AFF1: variants seen among roughly 807,000 people sequenced by gnomAD.
AFF1 encodes AF4/FMR2 family member 1.
AFF1 carries 48 observed loss-of-function variants against 121.7 expected under a neutral mutation model. The observed-to-expected ratio is 0.39, with a 90% CI of 0.31 to 0.50. The LOEUF (loss-of-function observed/expected upper bound fraction) is 0.50, where lower values mean the gene tolerates loss of function less well. Among genes scored for constraint, AFF1 ranks in the 20% least tolerant of loss-of-function variants. The probability of loss-of-function intolerance (pLI) is 0.76; values close to 1 mark genes in which losing one functional copy is unlikely to be tolerated. For missense variants in AFF1, 1,523 were observed against 1,511.7 expected, an observed-to-expected ratio of 1.01 and a Z score of -0.12; for synonymous variants, 613 against 563.0, an observed-to-expected ratio of 1.09 and a Z score of -1.26.
At chr4:86,945,497 ATTTT>A (rs34305215) in intron 1 of AFF1, among the ~76,000 whole-genome samples, 1 of 86,630 alleles carries the variant, frequency 1.2e-5, no homozygotes, top group Non-Finnish European at 2.0e-5. Context: ...GCCTTTCCCA[ATTTT>A]TTTTTTTTTT....
At chr4:86,982,417 T>TTTTTAA (rs61040187) in intron 2 of AFF1, among the ~76,000 whole-genome samples, 2 of 79,154 alleles carry the variant, frequency 2.5e-5, no homozygotes, top group African/African-American at 4.8e-5. Context: ...TTTTTTTTTT[T>TTTTTAA]ACAAAGTGCT....
intron 2 of AFF1, among the ~76,000 whole-genome samples, chr4:86,988,884 C>T (rs1724493010): frequency 6.6e-6 from 1 of 152,128 alleles, no homozygotes; most frequent in Non-Finnish European, 1.5e-5. Flanking sequence ...AATAACACCA[C>T]ACATCTCCAA....
At chr4:87,058,559 G>A (rs1303589351) in intron 4 of AFF1, among the ~76,000 whole-genome samples, 1 of 150,844 alleles carries the variant, frequency 6.6e-6, no homozygotes, top group Non-Finnish European at 1.5e-5. Context: ...GTCTCTTTCT[G>A]TTTAATCTCA....
intron 4 of AFF1, among the ~76,000 whole-genome samples, chr4:87,071,586 G>T (rs1383436018): frequency 6.6e-6 from 1 of 152,082 alleles, no homozygotes; most frequent in Non-Finnish European, 1.5e-5. Context: ...AAAGCAGTGC[G>T]GTGGCTCCAG....
chr4:87,078,560 A>G (rs1012467548), intron 4 of AFF1, among the ~76,000 whole-genome samples: 4 of 152,208 alleles, frequency 2.6e-5, no homozygotes, highest in Non-Finnish European at 4.4e-5. Flanking sequence ...GTAAGGGAGC[A>G]TCAGGGATGT....
At chr4:87,040,586 G>A (rs1246599382) in intron 2 of AFF1, among the ~76,000 whole-genome samples, 2 of 145,988 alleles carry the variant, frequency 1.4e-5, no homozygotes, top group African/African-American at 5.1e-5. Context: ...TTTTAATTGA[G>A]ACAGACTTTG....
At chr4:86,996,467 G>A (rs1429788244) in intron 2 of AFF1, among the ~76,000 whole-genome samples, 1 of 151,754 alleles carries the variant, frequency 6.6e-6, no homozygotes, top group East Asian at 1.9e-4. Flanking sequence ...TATCCACTCA[G>A]GGTTGAATGG....
At chr4:86,965,291 G>C (rs1218230519) in intron 2 of AFF1, among the ~76,000 whole-genome samples, 1 of 152,202 alleles carries the variant, frequency 6.6e-6, no homozygotes, top group East Asian at 1.9e-4. Flanking sequence ...CCTTGCACAG[G>C]CAAGCCTTAG....
Position 87,108,243 on chromosome 4 carries a change from C to T in AFF1, c.1461C>T (p.Ser487=), listed in dbSNP as rs758860293. Reference sequence around the variant, plus strand: ...AAAGCACCAGTGACTCAGACAGTTCCTCAGACTCAGAGAGCGAGAGCAGTT... The same window carrying T: ...AAAGCACCAGTGACTCAGACAGTTCTTCAGACTCAGAGAGCGAGAGCAGTT... The part of the protein sequence containing the change: ...ESESTSDSDS[S]SDSESESSSS... Residue 487 remains serine, a synonymous_variant, in exon 11 of 21, where the codon TCC becomes TCT. Transcript: ENST00000395146. The T allele has an allele frequency of 6.2e-7, 1 of 1,614,142 alleles. No homozygotes were observed. The highest frequency in any genetic ancestry group is 2.2e-5 in the East Asian group (1 of 44,874).
intron 4 of AFF1, among the ~76,000 whole-genome samples, chr4:87,061,249 G>A (rs915122398): frequency 6.6e-6 from 1 of 152,204 alleles, no homozygotes; most frequent in Non-Finnish European, 1.5e-5. Context: ...AGGAGCTTGT[G>A]CAGCAGAGAG....
chr4:87,096,535 T>TTTTTTCTTTTTC (rs1244800833), intron 8 of AFF1, among the ~76,000 whole-genome samples: 1 of 151,378 alleles, frequency 6.6e-6, no homozygotes, highest in Non-Finnish European at 1.5e-5. Context: ...CTTAGCCTCT[T>TTTTTTCTTTTTC]TTTTTCTTTT....
At chr4:87,054,053 A>G (rs1731517492) in intron 4 of AFF1, among the ~76,000 whole-genome samples, 1 of 152,272 alleles carries the variant, frequency 6.6e-6, no homozygotes, top group African/African-American at 2.4e-5. Context: ...AGAGACCATT[A>G]GAGAATTCTT....
intron 8 of AFF1, among the ~76,000 whole-genome samples, chr4:87,105,071 G>A (rs998274962): frequency 2.0e-5 from 3 of 152,204 alleles, no homozygotes; most frequent in Non-Finnish European, 2.9e-5. Flanking sequence ...TGCCTTGATA[G>A]CATCATACAT....
At chr4:87,019,893 G>GGGC (rs397941724) in intron 2 of AFF1, among the ~76,000 whole-genome samples, 2 of 133,776 alleles carry the variant, frequency 1.5e-5, no homozygotes, top group African/African-American at 5.2e-5. Flanking sequence ...TCGGGGGGGG[G>GGGC]CAGTCTTGGG....
intron 4 of AFF1, among the ~76,000 whole-genome samples, chr4:87,070,510 T>A (rs1255081864): frequency 6.6e-6 from 1 of 152,258 alleles, no homozygotes; most frequent in African/African-American, 2.4e-5. Context: ...TTAAAAATCT[T>A]CCTGAAGTAA....
chr4:87,022,432 A>T (rs1368951572), intron 2 of AFF1, among the ~76,000 whole-genome samples: 1 of 150,798 alleles, frequency 6.6e-6, no homozygotes, highest in Non-Finnish European at 1.5e-5. Context: ...TAAAAGCTTT[A>T]CCCATTCATA....
chr4:87,077,518 C>T (rs1028020841), intron 4 of AFF1, among the ~76,000 whole-genome samples: 10 of 152,040 alleles, frequency 6.6e-5, no homozygotes, highest in Non-Finnish European at 2.9e-5. Context: ...GGTAATAGGT[C>T]AGAATTTAAA....
intron 6 of AFF1, 71 bp from the exon 7 acceptor site, chr4:87,091,722 C>T: frequency 9.4e-7 from 1 of 1,061,302 alleles, no homozygotes. Context: ...ATACTAAAAG[C>T]TCAACGGTTT....
At chr4:87,065,248 AAG>A (rs1438882704) in intron 4 of AFF1, among the ~76,000 whole-genome samples, 2 of 152,182 alleles carry the variant, frequency 1.3e-5, no homozygotes, top group Non-Finnish European at 2.9e-5. Flanking sequence ...AGTGGCGGCA[AAG>A]AGAGAGGTTG....
Sources: gnomAD v4.1 joint callset for allele counts (sites outside exome capture counted in the v4.1 genomes callset) on GRCh38, gnomAD v4.1.1 for gene constraint, MANE v1.5 for transcripts, NCBI Gene and HGNC (gene_info 2026-07-23, HGNC 2026-07-21) for gene names.